The following RECQL variants were observed in gnomAD, a reference collection of about 807,000 sequenced individuals.
RECQL encodes ATP-dependent DNA helicase Q1.
RECQL carries 73 observed loss-of-function variants against 75.8 expected under a neutral mutation model. That is an observed-to-expected ratio of 0.96 (90% CI 0.80 to 1.17). RECQL has a LOEUF of 1.17. Among genes scored for constraint, RECQL ranks in the 50% most tolerant of loss-of-function variants. The probability of loss-of-function intolerance (pLI) is 0.00; values close to 1 mark genes in which losing one functional copy is unlikely to be tolerated. For synonymous variants in RECQL, 248 were observed against 254.4 expected, an observed-to-expected ratio of 0.97 and a Z score of 0.24; for missense variants, 699 against 772.1, an observed-to-expected ratio of 0.91 and a Z score of 1.12.
chr12:21,494,515 T>C (rs1943469249), intron 2 of RECQL, among the ~76,000 whole-genome samples: 1 of 152,192 alleles, frequency 6.6e-6, no homozygotes, highest in Non-Finnish European at 1.5e-5. Flanking sequence ...GCTTGGCTCA[T>C]TGCCTGAAAC....
At chr12:21,484,595 T>C (rs1943254400) in intron 5 of RECQL, among the ~76,000 whole-genome samples, 1 of 152,064 alleles carries the variant, frequency 6.6e-6, no homozygotes, top group African/African-American at 2.4e-5. Flanking sequence ...TGACTCTAGG[T>C]CTGGGCAGGA....
Position 21,501,284 on chromosome 12 carries a change from T to C in RECQL, c.-160A>G, listed in dbSNP as rs1156891945. The C allele has an allele frequency of 1.3e-5, 2 of 152,142 alleles. No individual in the cohort carries two copies. The highest frequency in any genetic ancestry group is 4.8e-5 in the African/African-American group (2 of 41,392). 9.4% of individuals were successfully genotyped at this position (152,142 alleles called of 1,614,324 possible). ...CGAACGTGCCCCTAAAGGCCCGAGT[T>C]CTCAGAGCAGGGCAGTGATTAACTT... On this transcript the variant is annotated 5_prime_UTR_variant, in exon 1 of 15. Coordinates refer to ENST00000444129, the MANE Select transcript of RECQL (RefSeq NM_002907.4).
chr12:21,486,078 A>T (rs1295254097), intron 5 of RECQL, among the ~76,000 whole-genome samples: 1 of 152,202 alleles, frequency 6.6e-6, no homozygotes, highest in Non-Finnish European at 1.5e-5. Flanking sequence ...AGTATCAGAC[A>T]AAAATATTAG....
rs552523529 is a variant in RECQL, at chr12:21,500,849, T to C, written c.-46+321A>G. Among the ~76,000 whole-genome samples the C allele has an allele frequency of 4.6e-5, 7 of 152,282 alleles. No individual in the cohort carries two copies. The South Asian group carries it at 1.5e-3, about 32-fold the overall frequency. On this transcript the variant is annotated intron_variant, in intron 1 of 14. Transcript: ENST00000444129. ...TCCCCCACGATTTTAAATGACTCCT[T>C]TGATTATGCGGTTAAAAGACTGCTC...
At chr12:21,500,918 T>C (rs1294310171) in intron 1 of RECQL, among the ~76,000 whole-genome samples, 1 of 152,124 alleles carries the variant, frequency 6.6e-6, no homozygotes, top group East Asian at 1.9e-4. Flanking sequence ...TATCTCAACA[T>C]AAAATGTATC....
rs1943076902 is a variant in RECQL, at chr12:21,475,833, A to G, written c.950-9T>C. ...AAAACAATATATGATTCCTGCAGTA[A>G]AATATGTGCATTTGTTAGATAGATA... On this transcript the variant is annotated splice_polypyrimidine_tract_variant and intron_variant, in intron 8 of 14. Coordinates refer to ENST00000444129, the MANE Select transcript of RECQL (RefSeq NM_002907.4). 2 of 1,605,560 alleles carry G rather than the reference A, an allele frequency of 1.2e-6. No homozygotes were observed. Among genetic ancestry groups the G allele is most frequent in the Non-Finnish European group, 1.7e-6 (2 of 1,173,926 alleles).
chr12:21,487,106 T>TAAAC (rs10645224), intron 4 of RECQL, among the ~76,000 whole-genome samples: 149,622 of 152,206 alleles, frequency 0.98, 73,599 homozygotes, highest in East Asian at 1. Context: ...AGAAGCCAAA[T>TAAAC]AAACATACAA....
At chr12:21,484,592 A>C (rs1243231812) in intron 5 of RECQL, among the ~76,000 whole-genome samples, 1 of 152,158 alleles carries the variant, frequency 6.6e-6, no homozygotes, top group Non-Finnish European at 1.5e-5. Flanking sequence ...GGCTGACTCT[A>C]GGTCTGGGCA....
intron 2 of RECQL, among the ~76,000 whole-genome samples, chr12:21,495,247 G>C (rs921479733): frequency 2.0e-5 from 3 of 152,178 alleles, no homozygotes; most frequent in African/African-American, 7.2e-5. Context: ...TGTATGTAAT[G>C]AATCTTCCTA....
intron 2 of RECQL, among the ~76,000 whole-genome samples, chr12:21,497,429 A>T (rs1238418144): frequency 1.3e-5 from 2 of 152,216 alleles, no homozygotes; most frequent in Non-Finnish European, 2.9e-5. Flanking sequence ...GATCCTGAAA[A>T]ACATTGGAGA....
chr12:21,470,586 G>C (rs1449812032), intron 14 of RECQL: 4 of 425,690 alleles, frequency 9.4e-6, no homozygotes, highest in East Asian at 8.8e-5. Flanking sequence ...AATGGCACTT[G>C]ACTTGACATG....
intron 4 of RECQL, among the ~76,000 whole-genome samples, chr12:21,489,639 AT>A (rs1376280713): frequency 6.6e-6 from 1 of 152,188 alleles, no homozygotes; most frequent in African/African-American, 2.4e-5. Context: ...AGGTCTACTG[AT>A]TCTTCTTCCA....
chr12:21,483,291 A>G (rs2137372855), intron 6 of RECQL, 85 bp downstream of exon 6: 1 of 877,616 alleles, frequency 1.1e-6, no homozygotes, highest in Non-Finnish European at 1.8e-6. Context: ...GATGATTTTA[A>G]TAGAAGCAGA....
At chr12:21,493,860 G>C (rs1251678625) in intron 2 of RECQL, among the ~76,000 whole-genome samples, 1 of 152,168 alleles carries the variant, frequency 6.6e-6, no homozygotes, top group Non-Finnish European at 1.5e-5. Flanking sequence ...AAAACACAAA[G>C]ATGTAACCTG....
In RECQL at chr12:21,471,447, G is replaced by C; in HGVS notation, c.1648C>G (p.Leu550Val). Residue 550 changes from leucine (L) to valine (V), a missense_variant, in exon 13 of 15, where the codon CTA becomes GTA. Coordinates refer to ENST00000444129, the MANE Select transcript of RECQL (RefSeq NM_002907.4). ...EDLEKIIAHF[L>V]IQQYLKEDYS... ...ACATACTTAAGATACTGCTGTATTA[G>C]AAAGTGTGCAATAATCTTCTCCAGA... 1 of 1,612,658 alleles carries C rather than the reference G, an allele frequency of 6.2e-7. No homozygotes were observed. Among genetic ancestry groups the C allele is most frequent in the Non-Finnish European group, 8.5e-7 (1 of 1,179,072 alleles).
chr12:21,474,270 G>T (rs1006264056), intron 11 of RECQL, among the ~76,000 whole-genome samples: 1 of 151,832 alleles, frequency 6.6e-6, no homozygotes. Flanking sequence ...GTATCTATTG[G>T]AAAGAAAGAA....
In RECQL at chr12:21,479,703, A is replaced by T. The variant is rs144967788; in HGVS notation, c.701-1734T>A. Among the ~76,000 whole-genome samples, 573 of 152,328 alleles carry T rather than the reference A, an allele frequency of 3.8e-3. 4 individuals carry two copies. Among genetic ancestry groups the T allele is most frequent in the African/African-American group, 0.013 (538 of 41,570 alleles). ...GCTTCATAAATCATCTTTTGGTGAC[A>T]GTGCAAAATACAGACTGGAATAGAC... On this transcript the variant is annotated intron_variant, in intron 6 of 14. Transcript: ENST00000444129.
Position 21,501,612 on chromosome 12 carries a change from C to A in RECQL, c.-488G>T, listed in dbSNP as rs1565579510. 7 of 394,766 alleles carry A rather than the reference C, an allele frequency of 1.8e-5. No individual in the cohort carries two copies. In the Admixed American group the frequency reaches 3.0e-4, roughly 17 times the overall value. 24.5% of individuals were successfully genotyped at this position (394,766 alleles called of 1,614,324 possible). On this transcript the variant is annotated 5_prime_UTR_variant, in exon 1 of 15. Transcript: ENST00000444129. Reference sequence around the variant, plus strand: ...CCGCTACTCGGGAGTAAAATCTTCCCGCCAGCCAGCTGAGAGCATCCACCC... The same window carrying A: ...CCGCTACTCGGGAGTAAAATCTTCCAGCCAGCCAGCTGAGAGCATCCACCC...
chr12:21,498,871 T>C (rs564534736), intron 2 of RECQL, among the ~76,000 whole-genome samples: 89 of 152,206 alleles, frequency 5.8e-4, no homozygotes, highest in Non-Finnish European at 1.1e-3. Context: ...ACATGACCAA[T>C]TGAAAAACAA....
Sources: allele counts gnomAD v4.1 joint callset (sites outside exome capture counted in the v4.1 genomes callset), GRCh38; gene constraint gnomAD v4.1.1; transcripts MANE v1.5; gene names NCBI Gene and HGNC (gene_info 2026-07-23, HGNC 2026-07-21).